Variants in TLE7 observed in about 807,000 individuals in gnomAD.
TLE7 encodes TLE family member 7, also known as transducin-like enhancer protein 7.
chr16:71,432,637 G>C (rs2042810771), intron 4 of TLE7, 28 bp downstream of exon 4: 1 of 398,794 alleles, frequency 2.5e-6, no homozygotes, highest in Non-Finnish European at 4.4e-6. Flanking sequence ...GGAAAGGAAG[G>C]ATCCTGAGTA....
intron 1 of TLE7, among the ~76,000 whole-genome samples, chr16:71,435,278 C>A (rs992639465): frequency 1.3e-5 from 2 of 152,048 alleles, no homozygotes; most frequent in Admixed American, 1.3e-4. Context: ...AGGTGTGGTG[C>A]CACGCACCTG....
chr16:71,432,962 C>T (rs1334935231), intron 2 of TLE7, 52 bp downstream of exon 2: 2 of 399,168 alleles, frequency 5.0e-6, no homozygotes, highest in Admixed American at 4.4e-5. Context: ...GGGATGCCCT[C>T]TCCCCAGTCC....
intron 1 of TLE7, among the ~76,000 whole-genome samples, chr16:71,441,722 C>G (rs887883153): frequency 2.0e-5 from 3 of 152,264 alleles, no homozygotes; most frequent in African/African-American, 7.2e-5. Flanking sequence ...GGGCCCCGCT[C>G]CCCTGCCCCC....
intron 1 of TLE7, among the ~76,000 whole-genome samples, chr16:71,435,848 T>C (rs2042824277): frequency 1.3e-5 from 2 of 152,236 alleles, no homozygotes; most frequent in Non-Finnish European, 2.9e-5. Flanking sequence ...GGGCTGAGCT[T>C]GGAGCATGGA....
In TLE7 at chr16:71,431,905, G is replaced by A. The variant is rs1335707105; in HGVS notation, c.707C>T (p.Ala236Val). 7.5e-6 allele frequency: 3 copies of A among 400,646 alleles called. No individual in the cohort carries two copies. Among genetic ancestry groups the A allele is most frequent in the Non-Finnish European group, 1.3e-5 (3 of 226,276 alleles). 24.8% of individuals were successfully genotyped at this position (400,646 alleles called of 1,614,324 possible). The change falls in exon 6 of 10, where the codon GCA (alanine) becomes GTA (valine). Residue 236 changes from alanine (A) to valine (V), a missense_variant. Ala to Val is a moderately conservative substitution (Grantham distance 64, BLOSUM62 0). Coordinates refer to ENST00000561754, the MANE Select transcript of TLE7 (RefSeq NM_001367365.2). This position sits in a 1 kb window ranked among gnomAD's most constrained non-coding sequence, Gnocchi z 4.5. ...CTGTGCCCTGACCTGGGGGGTGGGT[G>A]CCAAGTCCCAGAGAGTCACGGCCTG... The part of the protein sequence containing the change: ...ASQAVTLWDL[A>V]PTPQVRAQLT...
Position 71,431,893 on chromosome 16 carries a change from T to TG in TLE7, c.718dup (p.Gln240ProfsTer21), listed in dbSNP as rs1241482497. On this transcript the variant is annotated frameshift_variant, in exon 6 of 10. Coordinates refer to ENST00000561754, the MANE Select transcript of TLE7 (RefSeq NM_001367365.2). LOFTEE classifies it high-confidence loss of function. The surrounding 1 kb of genome is among the most constrained non-coding windows in gnomAD (Gnocchi z 4.5). ...CGTCGAGGTCAGCTGTGCCCTGACC[T>TG]GGGGGGTGGGTGCCAAGTCCCAGAG... 5.0e-6 allele frequency: 2 copies of TG among 400,640 alleles called. No homozygotes were observed. The highest frequency in any genetic ancestry group is 8.8e-6 in the Non-Finnish European group (2 of 226,234). 24.8% of individuals were successfully genotyped at this position (400,640 alleles called of 1,614,324 possible).
intron 1 of TLE7, among the ~76,000 whole-genome samples, chr16:71,436,697 G>A (rs1165420573): frequency 6.6e-6 from 1 of 152,230 alleles, no homozygotes; most frequent in African/African-American, 2.4e-5. Flanking sequence ...TTGGCCTGAA[G>A]CCAACAGTGG....
In TLE7 at chr16:71,432,243, T is replaced by C. The variant is rs530129417; in HGVS notation, c.476A>G (p.Lys159Arg). 11 of 400,842 alleles carry C rather than the reference T, an allele frequency of 2.7e-5. No homozygotes were observed. Among genetic ancestry groups the C allele is most frequent in the African/African-American group, 1.8e-4 (9 of 48,828 alleles). The allele number at this position is 400,842 out of a possible 1,614,324, so 24.8% of individuals were successfully genotyped here. A position where few individuals can be genotyped will look rare whatever the true frequency, so the allele number is the denominator to read the frequency against. Residue 159 changes from lysine (K) to arginine (R), a missense_variant, in exon 5 of 10, where the codon AAG (lysine) becomes AGG (arginine). Physicochemically the swap from Lys to Arg is conservative, Grantham distance 26. Transcript: ENST00000561754. Reference protein sequence around the residue: ...SWKVGTLFHGKRVYAVAISGS... With the variant: ...SWKVGTLFHGRRVYAVAISGS... ...GCTGATGGCCACAGCGTAGACTCTC[T>C]TTCCATGGAAGAGTGTGCCAACCTT...
intron 1 of TLE7, among the ~76,000 whole-genome samples, chr16:71,440,892 C>T (rs1034199760): frequency 2.6e-5 from 4 of 152,194 alleles, no homozygotes; most frequent in Admixed American, 2.0e-4. Flanking sequence ...CCACCTCCTC[C>T]CTCACTGTCA....
intron 9 of TLE7, 71 bp downstream of exon 9, chr16:71,430,597 A>C (rs1482614662): frequency 2.5e-5 from 10 of 397,944 alleles, no homozygotes; most frequent in Non-Finnish European, 8.8e-6. Flanking sequence ...ACCCACTGGA[A>C]TCCAACCAAC....
chr16:71,430,151 A>C lies in TLE7; in HGVS notation c.*111T>G. On this transcript the variant is annotated 3_prime_UTR_variant, in exon 10 of 10. Transcript: ENST00000561754. ...CTGGAGGGGAGGGATGACCCAAGCT[A>C]AGGCAGAGGAGATGGCAGGTGTTAG... 2.5e-6 allele frequency: 1 copy of C among 396,946 alleles called. No homozygotes were observed. The highest frequency in any genetic ancestry group is 4.4e-6 in the Non-Finnish European group (1 of 225,424). 24.6% of individuals were successfully genotyped at this position (396,946 alleles called of 1,614,324 possible). A position where few individuals can be genotyped will look rare whatever the true frequency, so the allele number is the denominator to read the frequency against.
intron 4 of TLE7, 65 bp from the exon 5 acceptor site, chr16:71,432,390 C>T (rs928855233): frequency 1.8e-5 from 7 of 397,962 alleles, no homozygotes; most frequent in Non-Finnish European, 2.2e-5. Flanking sequence ...CAGTCCACCC[C>T]GTCTTCCAGC....
intron 3 of TLE7, 62 bp downstream of exon 3, chr16:71,432,808 C>T (rs1443315983): frequency 2.5e-6 from 1 of 399,074 alleles, no homozygotes; most frequent in East Asian, 3.6e-5. Context: ...GGCCCCCGTT[C>T]CTAGTCCCCC....
At chr16:71,441,714 G>C (rs1456641609) in intron 1 of TLE7, among the ~76,000 whole-genome samples, 1 of 152,252 alleles carries the variant, frequency 6.6e-6, no homozygotes, top group Non-Finnish European at 1.5e-5. Flanking sequence ...CGGACGCAGG[G>C]CCCCGCTCCC....
intron 1 of TLE7, among the ~76,000 whole-genome samples, chr16:71,436,592 T>G (rs964846053): frequency 2.0e-5 from 3 of 152,244 alleles, no homozygotes; most frequent in African/African-American, 7.2e-5. Context: ...AGCCAGCGTC[T>G]GTGCAAAGAT....
chr16:71,438,567 G>A (rs1237503528), intron 1 of TLE7, among the ~76,000 whole-genome samples: 1 of 150,870 alleles, frequency 6.6e-6, no homozygotes, highest in East Asian at 1.9e-4. Flanking sequence ...TGTAATCCCA[G>A]CTATTCGGGA....
At chr16:71,432,578 G>A (rs2042810383) in intron 4 of TLE7, 87 bp downstream of exon 4, 1 of 398,522 alleles carries the variant, frequency 2.5e-6, no homozygotes, top group Non-Finnish European at 4.4e-6. Flanking sequence ...CTACCTATGG[G>A]AGAGAGAGTG....
chr16:71,440,188 G>T (rs558548648), intron 1 of TLE7, among the ~76,000 whole-genome samples: 2 of 152,342 alleles, frequency 1.3e-5, no homozygotes, highest in South Asian at 4.1e-4. Flanking sequence ...TGGTTGCCAG[G>T]GACTGGCAAA....
At chr16:71,430,601 A>C in intron 9 of TLE7, 67 bp downstream of exon 9, 1 of 398,160 alleles carries the variant, frequency 2.5e-6, no homozygotes, top group Non-Finnish European at 4.4e-6. Context: ...ACTGGAATCC[A>C]ACCAACTGGG....
Sources: gnomAD v4.1 joint callset for allele counts (sites outside exome capture counted in the v4.1 genomes callset) on GRCh38, gnomAD v4.1.1 for gene constraint, Gnocchi (gnomAD v3.1) non-coding constraint, MANE v1.5 for transcripts, NCBI Gene and HGNC (gene_info 2026-07-23, HGNC 2026-07-21) for gene names.